Variants in OSBPL9 observed in about 807,000 individuals in gnomAD.
OSBPL9 encodes the protein oxysterol-binding protein-related protein 9.
OSBPL9 carries 40 observed loss-of-function variants against 106.6 expected under a neutral mutation model. That is an observed-to-expected ratio of 0.38 (90% CI 0.29 to 0.49). The LOEUF is 0.49. OSBPL9 is among the 20% of genes least tolerant of loss of function. The pLI, the probability that OSBPL9 is intolerant of heterozygous loss-of-function variation, is 0.97. For missense variants in OSBPL9, 609 were observed against 887.2 expected (o/e 0.69, Z 3.98); for synonymous variants, 269 against 295.4 (o/e 0.91, Z 0.92).
At chr1:51,539,022 C>G in the OSBPL9 span, among the ~76,000 whole-genome samples, 1 of 152,168 alleles carries the variant, frequency 6.6e-6, no homozygotes, top group Non-Finnish European at 1.5e-5. Context: ...TGCAGACTCT[C>G]TTCCTAGATG....
intron 22 of OSBPL9, 79 bp from the exon 23 acceptor site, chr1:51,787,274 A>C (rs1677887293): frequency 7.2e-7 from 1 of 1,396,334 alleles, no homozygotes; most frequent in East Asian, 2.3e-5. Context: ...AAGCCATTTG[A>C]CTTGTATTAT....
chr1:51,661,219 T>A (rs1030819935), intron 2 of OSBPL9, among the ~76,000 whole-genome samples: 4 of 152,208 alleles, frequency 2.6e-5, no homozygotes, highest in African/African-American at 9.6e-5. Context: ...CTGTGAGCAA[T>A]CTATGTCTCA....
At chr1:51,671,809 A>G (rs1040400544) in intron 3 of OSBPL9, among the ~76,000 whole-genome samples, 2 of 152,182 alleles carry the variant, frequency 1.3e-5, no homozygotes, top group African/African-American at 2.4e-5. Flanking sequence ...GAAGAGCTGA[A>G]GAAAGTCAGG....
At chr1:51,705,407 T>A (rs1179605535) in intron 3 of OSBPL9, among the ~76,000 whole-genome samples, 32 of 90,518 alleles carry the variant, frequency 3.5e-4, no homozygotes, top group Middle Eastern at 5.4e-3. Flanking sequence ...ATATTTTTTT[T>A]TTTTTTTTTT....
rs751727450 is a variant in OSBPL9 at position 51,714,070 on chromosome 1, C to T, written c.309C>T (p.Leu103=). 1.8e-5 allele frequency: 29 copies of T among 1,607,214 alleles called. No homozygotes were observed. The highest frequency in any genetic ancestry group is 2.5e-5 in the Non-Finnish European group (29 of 1,175,970). Residue 103 remains leucine, a synonymous_variant, in exon 4 of 24, where the codon CTC becomes CTT. Coordinates refer to ENST00000428468, the MANE Select transcript of OSBPL9 (RefSeq NM_024586.6). ...AAGAAACAATTCTTCGACATACTCT[C>T]CAGCTTCAAGTAAGGGTCTTTACAT... The part of the protein sequence containing the change: ...ALEETILRHT[L]QLQGLDSGFV...
rs1557757729 is a variant in OSBPL9 at position 51,731,724 on chromosome 1, C to CCGAGAT, written c.319-13809_319-13804dup. Among the ~76,000 whole-genome samples the CCGAGAT allele has an allele frequency of 4.0e-5, 6 of 151,336 alleles. No homozygotes were observed. The South Asian group carries it at 1.3e-3, about 32-fold the overall frequency. On this transcript the variant is annotated intron_variant, in intron 4 of 23. Coordinates refer to ENST00000428468, the MANE Select transcript of OSBPL9 (RefSeq NM_024586.6). ...CCCTGGAGGGGGAGCTTACAGTGAG[C>CCGAGAT]CGAGATCGTGCCACTGCACTCCAGC...
intron 18 of OSBPL9, 29 bp from the exon 19 acceptor site, chr1:51,784,235 A>C (rs1677078294): frequency 1.9e-6 from 3 of 1,605,746 alleles, no homozygotes; most frequent in Admixed American, 1.7e-5. Flanking sequence ...GGCACTACTC[A>C]TCAGAGATTC....
intron 2 of OSBPL9, among the ~76,000 whole-genome samples, chr1:51,607,163 T>C: frequency 6.7e-6 from 1 of 149,820 alleles, no homozygotes; most frequent in Non-Finnish European, 1.5e-5. Flanking sequence ...CTTTTCTTTT[T>C]CTTTTTTTTT....
intron 10 of OSBPL9, 111 bp from the exon 11 acceptor site, chr1:51,761,755 TA>T: frequency 1.2e-6 from 1 of 800,194 alleles, no homozygotes; most frequent in Non-Finnish European, 2.1e-6. Flanking sequence ...CTTAATGAAA[TA>T]AAGTTTCAAA....
intron 3 of OSBPL9, among the ~76,000 whole-genome samples, chr1:51,697,234 C>A (rs1262021754): frequency 6.6e-6 from 1 of 151,910 alleles, no homozygotes; most frequent in African/African-American, 2.4e-5. Flanking sequence ...ATATACTACC[C>A]ACCCAAGTTA....
chr1:51,544,349 G>C, the OSBPL9 span, among the ~76,000 whole-genome samples: 1 of 151,444 alleles, frequency 6.6e-6, no homozygotes, highest in South Asian at 2.1e-4. Flanking sequence ...AATCTCTGAA[G>C]GAAAAAAAAA....
intron 1 of OSBPL9, among the ~76,000 whole-genome samples, chr1:51,644,080 A>T (rs1167740035): frequency 7.7e-5 from 7 of 90,604 alleles, no homozygotes; most frequent in African/African-American, 3.9e-4. Context: ...ACCTTGTCTA[A>T]AAAAAAAAAA....
At chr1:51,571,878 T>C in the OSBPL9 span, among the ~76,000 whole-genome samples, 1 of 152,242 alleles carries the variant, frequency 6.6e-6, no homozygotes, top group East Asian at 1.9e-4. Flanking sequence ...GCCTCTTTTG[T>C]AACCCAGGAC....
intron 3 of OSBPL9, among the ~76,000 whole-genome samples, chr1:51,712,097 C>G (rs1161380127): frequency 3.9e-5 from 6 of 152,080 alleles, no homozygotes; most frequent in Non-Finnish European, 8.8e-5. Flanking sequence ...GCCGAGATCA[C>G]GCCACTGCAC....
chr1:51,681,190 A>G (rs1381072387), intron 3 of OSBPL9, among the ~76,000 whole-genome samples: 1 of 152,200 alleles, frequency 6.6e-6, no homozygotes, highest in Admixed American at 6.5e-5. Flanking sequence ...GTAGATTAAG[A>G]TATATAGACA....
chr1:51,701,365 G>C (rs773253938), intron 3 of OSBPL9, among the ~76,000 whole-genome samples: 3 of 152,162 alleles, frequency 2.0e-5, no homozygotes, highest in Non-Finnish European at 4.4e-5. Flanking sequence ...CCAGTACTCT[G>C]TGAATTTATT....
At chr1:51,762,286 G>A (rs924922653) in intron 11 of OSBPL9, among the ~76,000 whole-genome samples, 1 of 151,836 alleles carries the variant, frequency 6.6e-6, no homozygotes, top group African/African-American at 2.4e-5. Flanking sequence ...CAGGCCTCAG[G>A]CTCCCAAGTA....
intron 11 of OSBPL9, among the ~76,000 whole-genome samples, chr1:51,763,615 G>A (rs1237314728): frequency 1.3e-5 from 2 of 152,100 alleles, no homozygotes; most frequent in Non-Finnish European, 2.9e-5. Context: ...ATTCGAATTA[G>A]TAAAAGTACT....
In OSBPL9 at chr1:51,765,841, G is replaced by A. The variant is rs1445901778; in HGVS notation, c.798G>A (p.Pro266=). Residue 266 remains proline, a synonymous_variant, in exon 12 of 24, where the codon CCG becomes CCA. Coordinates refer to ENST00000428468, the MANE Select transcript of OSBPL9 (RefSeq NM_024586.6). Reference sequence around the variant, plus strand: ...TCCTAGGCAGTGGCCATTCACCACCGAGTAGCAGTCTCACTTCTCCAAGCC... The same window carrying A: ...TCCTAGGCAGTGGCCATTCACCACCAAGTAGCAGTCTCACTTCTCCAAGCC... ...PNSTGSGHSP[P]SSSLTSPSHV... is the part of the protein sequence containing the mutation. 8.1e-6 allele frequency: 13 copies of A among 1,613,224 alleles called. No homozygotes were observed. The highest frequency in any genetic ancestry group is 4.0e-5 in the African/African-American group (3 of 74,898).
Sources: allele counts gnomAD v4.1 joint callset (sites outside exome capture counted in the v4.1 genomes callset), GRCh38; gene constraint gnomAD v4.1.1; transcripts MANE v1.5; gene names NCBI Gene and HGNC (gene_info 2026-07-23, HGNC 2026-07-21).